PTPRE: variants seen among roughly 807,000 people sequenced by gnomAD.
PTPRE encodes protein tyrosine phosphatase receptor type E, also known as receptor-type tyrosine-protein phosphatase epsilon.
PTPRE carries 51 observed loss-of-function variants against 102.0 expected under a neutral mutation model. That is an observed-to-expected ratio of 0.50 (90% CI 0.40 to 0.63). The LOEUF (loss-of-function observed/expected upper bound fraction) is 0.63, where lower values mean the gene tolerates loss of function less well. Ranked by LOEUF, PTPRE falls within the 30% of genes least tolerant of loss-of-function variation. PTPRE has a pLI of 0.00. For synonymous variants in PTPRE, 345 were observed against 348.2 expected, an observed-to-expected ratio of 0.99 and a Z score of 0.10; for missense variants, 752 against 915.1, an observed-to-expected ratio of 0.82 and a Z score of 2.30.
chr10:128,028,415 C>G lies in PTPRE; in HGVS notation c.-7-12460C>G, dbSNP rs61875262. Among the ~76,000 whole-genome samples, 3 of 152,114 alleles carry G rather than the reference C, an allele frequency of 2.0e-5. No individual in the cohort carries two copies. The highest frequency in any genetic ancestry group is 2.9e-5 in the Non-Finnish European group (2 of 68,012). ...CCGCCCCAGGCTGGAATTGCTGGGC[C>G]GTGATCTCCTCCATCTTTTCTTTCT... is the stretch of plus-strand genomic sequence containing the variant. On this transcript the variant is annotated intron_variant, in intron 2 of 20. Coordinates refer to ENST00000254667, the MANE Select transcript of PTPRE (RefSeq NM_006504.6). The surrounding 1 kb of genome is among the most constrained non-coding windows in gnomAD (Gnocchi z 4.5).
chr10:127,953,639 T>C (rs573475063), intron 1 of PTPRE, among the ~76,000 whole-genome samples: 5 of 152,366 alleles, frequency 3.3e-5, no homozygotes, highest in Non-Finnish European at 4.4e-5. Flanking sequence ...CTACTCCTGC[T>C]ATGCTGCCTT....
chr10:128,020,051 C>T (rs1019327233), intron 2 of PTPRE, among the ~76,000 whole-genome samples: 11 of 97,368 alleles, frequency 1.1e-4, no homozygotes, highest in South Asian at 6.4e-4. Flanking sequence ...TGTGTGCACG[C>T]GCGCACGTGT....
chr10:128,077,834 C>A lies in PTPRE; in HGVS notation c.1892+51C>A, dbSNP rs755155641. 3 of 1,539,258 alleles carry A rather than the reference C, an allele frequency of 1.9e-6. 1 individual carries two copies. The highest frequency in any genetic ancestry group is 2.4e-5 in the South Asian group (2 of 81,966). ...AGGTGGGGTGGACACAGGCTGCACCCCCCCAGTACCCGCAGCTGTGGGCAG... is the reference window on the plus strand; with the variant it reads ...AGGTGGGGTGGACACAGGCTGCACCACCCCAGTACCCGCAGCTGTGGGCAG... On this transcript the variant is annotated intron_variant, in intron 19 of 20. Transcript: ENST00000254667.
intron 1 of PTPRE, among the ~76,000 whole-genome samples, chr10:127,972,505 A>G (rs147803756): frequency 6.6e-6 from 1 of 152,328 alleles, no homozygotes; most frequent in Non-Finnish European, 1.5e-5. Context: ...GCAGTGCTAC[A>G]TGTGGCCCCA....
rs150855982 is a variant in PTPRE, at chr10:128,009,777, A to G, written c.-8+27481A>G. Among the ~76,000 whole-genome samples, 19 of 152,344 alleles carry G rather than the reference A, an allele frequency of 1.2e-4. No individual in the cohort carries two copies. The Middle Eastern group carries it at 0.014, about 109-fold the overall frequency. ...CTCCTTCATTGTTTAAATATCACCA[A>G]TGAAATGGAGGAAATTTATTTAGCA... On this transcript the variant is annotated intron_variant, in intron 2 of 20. Transcript: ENST00000254667.
chr10:128,085,021 C>T lies in PTPRE; in HGVS notation c.*2115C>T. On this transcript the variant is annotated 3_prime_UTR_variant, in exon 21 of 21. Coordinates refer to ENST00000254667, the MANE Select transcript of PTPRE (RefSeq NM_006504.6). ...TTTTTCCTGTCCCCTTAGACCAACCCCAGGTGTCCACTGCAGGGGTTCTGC... is the reference window on the plus strand; with the variant it reads ...TTTTTCCTGTCCCCTTAGACCAACCTCAGGTGTCCACTGCAGGGGTTCTGC... 2.2e-6 allele frequency: 1 copy of T among 446,778 alleles called. No individual in the cohort carries two copies. The highest frequency in any genetic ancestry group is 7.0e-5 in the East Asian group (1 of 14,298). 27.7% of individuals were successfully genotyped at this position (446,778 alleles called of 1,614,324 possible).
intron 5 of PTPRE, 74 bp from the exon 6 acceptor site, chr10:128,049,456 T>C: frequency 6.5e-7 from 1 of 1,539,530 alleles, no homozygotes; most frequent in Non-Finnish European, 8.9e-7. Flanking sequence ...GGAATGTCGT[T>C]GGTCAGCTTG....
chr10:128,042,725 G>T (rs914920090), intron 3 of PTPRE, among the ~76,000 whole-genome samples: 1 of 152,216 alleles, frequency 6.6e-6, no homozygotes, highest in African/African-American at 2.4e-5. Context: ...ATAATAGGAA[G>T]CTGTTTCATT....
intron 1 of PTPRE, among the ~76,000 whole-genome samples, chr10:127,974,880 A>ATCATGCCT (rs1554905027): frequency 6.6e-6 from 1 of 151,852 alleles, no homozygotes; most frequent in Non-Finnish European, 1.5e-5. Flanking sequence ...TAAAATGTGG[A>ATCATGCCT]TCATACCTCC....
At chr10:128,061,420 G>T (rs1590186730) in intron 8 of PTPRE, among the ~76,000 whole-genome samples, 1 of 152,322 alleles carries the variant, frequency 6.6e-6, no homozygotes, top group East Asian at 1.9e-4. Context: ...CACCCAATTA[G>T]AGGACAGAAA....
intron 1 of PTPRE, among the ~76,000 whole-genome samples, chr10:127,935,157 C>T (rs1180323019): frequency 6.6e-6 from 1 of 152,156 alleles, no homozygotes; most frequent in Non-Finnish European, 1.5e-5. Flanking sequence ...CTGAGTCTGT[C>T]GGGTGTGGGC....
intron 2 of PTPRE, among the ~76,000 whole-genome samples, chr10:128,037,957 A>ATTTTT (rs34089996): frequency 3.7e-4 from 43 of 115,924 alleles, no homozygotes; most frequent in African/African-American, 6.2e-4. Context: ...TGTCCGGCTA[A>ATTTTT]TTTTTTTTTT....
Position 128,040,908 on chromosome 10 carries a change from G to A in PTPRE, c.27G>A (p.Leu9=), listed in dbSNP as rs1298354225. Residue 9 remains leucine (L), a synonymous_variant, in exon 3 of 21, where the codon CTG becomes CTA. Transcript: ENST00000254667. ...TGGAGCCCTTGTGTCCACTCCTGCTGGTGGGTTTTAGCTTGCCGCTCGCCA... is the reference window on the plus strand; with the variant it reads ...TGGAGCCCTTGTGTCCACTCCTGCTAGTGGGTTTTAGCTTGCCGCTCGCCA... MEPLCPLL[L]VGFSLPLARA... is the part of the protein sequence containing the mutation. 11 of 1,614,024 alleles carry A rather than the reference G, an allele frequency of 6.8e-6. No individual in the cohort carries two copies. The South Asian group carries it at 8.8e-5, about 13-fold the overall frequency.
At chr10:128,021,924 CAGT>C (rs2135694845) in intron 2 of PTPRE, among the ~76,000 whole-genome samples, 1 of 152,298 alleles carries the variant, frequency 6.6e-6, no homozygotes, top group African/African-American at 2.4e-5. Context: ...CTTTGATTTC[CAGT>C]AGTTGGCCGC....
intron 1 of PTPRE, among the ~76,000 whole-genome samples, chr10:127,960,845 CCG>C (rs1163267227): frequency 1.3e-5 from 2 of 152,090 alleles, no homozygotes; most frequent in East Asian, 3.9e-4. Context: ...TGGTGAAACC[CCG>C]TCTCTACTAA....
intron 3 of PTPRE, among the ~76,000 whole-genome samples, chr10:128,042,341 A>G (rs985866991): frequency 3.3e-5 from 5 of 152,192 alleles, no homozygotes; most frequent in Admixed American, 3.3e-4. Context: ...CGGCAGGATG[A>G]CGTCCACTCC....
intron 2 of PTPRE, among the ~76,000 whole-genome samples, chr10:127,995,860 C>T (rs566761533): frequency 9.9e-5 from 15 of 151,644 alleles, no homozygotes; most frequent in Middle Eastern, 3.4e-3. Context: ...CACACACGCA[C>T]GCAAAGTATT....
intron 7 of PTPRE, among the ~76,000 whole-genome samples, chr10:128,057,503 A>G (rs949783896): frequency 6.6e-6 from 1 of 152,192 alleles, no homozygotes; most frequent in African/African-American, 2.4e-5. Context: ...AATTGAGTTC[A>G]TCTGCTCTGT....
At chr10:128,053,806 G>T (rs1369870209) in intron 6 of PTPRE, among the ~76,000 whole-genome samples, 1 of 152,072 alleles carries the variant, frequency 6.6e-6, no homozygotes, top group Non-Finnish European at 1.5e-5. Flanking sequence ...TGTCCCCCAG[G>T]CTGGAGTGCA....
Sources: allele counts gnomAD v4.1 joint callset (sites outside exome capture counted in the v4.1 genomes callset), GRCh38; gene constraint gnomAD v4.1.1; non-coding constraint Gnocchi (gnomAD v3.1); transcripts MANE v1.5; gene names NCBI Gene and HGNC (gene_info 2026-07-23, HGNC 2026-07-21).